The following CEP290 variants were observed in gnomAD, a reference collection of about 807,000 sequenced individuals.
CEP290 encodes the protein centrosomal protein 290.
In CEP290, 317 loss-of-function variants were observed where a neutral mutation model predicts 344.9. The observed-to-expected ratio is 0.92, with a 90% CI of 0.84 to 1.01. CEP290 has a LOEUF of 1.01. CEP290 is among the 50% of genes least tolerant of loss of function. The pLI, the probability that CEP290 is intolerant of heterozygous loss-of-function variation, is 0.00. For synonymous variants in CEP290, 932 were observed against 895.8 expected (o/e 1.04, Z -0.72); for missense variants, 2,754 against 2,761.4 (o/e 1.00, Z 0.06).
intron 26 of CEP290, among the ~76,000 whole-genome samples, chr12:88,097,451 A>G (rs183151843): frequency 1.4e-4 from 21 of 152,176 alleles, no homozygotes; most frequent in Admixed American, 9.8e-4. Context: ...CCCTTCTGCC[A>G]TAACTGTTAA....
At chr12:88,137,688 T>C (rs775513544) in intron 5 of CEP290, among the ~76,000 whole-genome samples, 1 of 152,198 alleles carries the variant, frequency 6.6e-6, no homozygotes, top group East Asian at 1.9e-4. Context: ...CTCCTTGGCT[T>C]AGCTGCAATT....
chr12:88,113,118 T>A (rs547515530), intron 20 of CEP290, among the ~76,000 whole-genome samples: 1 of 152,160 alleles, frequency 6.6e-6, no homozygotes, highest in East Asian at 1.9e-4. Context: ...CAATCCCGGA[T>A]AAAAGTAAAT....
Position 88,126,245 on chromosome 12 carries a change from A to G in CEP290, c.1065+71T>C, listed in dbSNP as rs1206200797. On this transcript the variant is annotated intron_variant, in intron 12 of 53. Coordinates refer to ENST00000552810, the MANE Select transcript of CEP290 (RefSeq NM_025114.4). ...ACACTAGGCACTGATGATATAATAA[A>G]TAAAAGACATCGTTCAGAGTTCCAA... 11 of 1,273,994 alleles carry G rather than the reference A, an allele frequency of 8.6e-6. No homozygotes were observed. In the Admixed American group the frequency reaches 1.2e-4, roughly 14 times the overall value. 78.9% of individuals were successfully genotyped at this position (1,273,994 alleles called of 1,614,324 possible).
At chr12:88,116,928 C>T (rs987568435) in intron 18 of CEP290, 105 bp downstream of exon 18, 4 of 553,336 alleles carry the variant, frequency 7.2e-6, no homozygotes, top group Admixed American at 7.4e-5. Flanking sequence ...GAGCCGAGAT[C>T]GCGCCACTGC....
In CEP290 at chr12:88,091,341, G is replaced by C. The variant is rs117580135; in HGVS notation, c.3462-502C>G. Among the ~76,000 whole-genome samples the C allele has an allele frequency of 2.6e-3, 381 of 149,186 alleles. 1 individual carries two copies. Among genetic ancestry groups the C allele is most frequent in the Non-Finnish European group, 3.7e-3 (247 of 67,520 alleles). Reference sequence around the variant, plus strand: ...GATGGATTAATGCATGTTTTGATTTGTTTTAATCTACAAGTTATCAGTAAT... The same window carrying C: ...GATGGATTAATGCATGTTTTGATTTCTTTTAATCTACAAGTTATCAGTAAT... On this transcript the variant is annotated intron_variant, in intron 29 of 53. Coordinates refer to ENST00000552810, the MANE Select transcript of CEP290 (RefSeq NM_025114.4).
intron 27 of CEP290, among the ~76,000 whole-genome samples, chr12:88,096,574 G>C (rs1182943707): frequency 6.6e-6 from 1 of 151,914 alleles, no homozygotes; most frequent in African/African-American, 2.4e-5. Context: ...CTCAGTGAAA[G>C]AACTCATAAT....
chr12:88,100,885 AACAT>A (rs2137500968), intron 26 of CEP290, among the ~76,000 whole-genome samples: 1 of 152,314 alleles, frequency 6.6e-6, no homozygotes, highest in East Asian at 1.9e-4. Context: ...CGTACAAAAG[AACAT>A]ACATAAGAAA....
chr12:88,114,858 G>T (rs2038943065), intron 19 of CEP290, among the ~76,000 whole-genome samples: 1 of 151,926 alleles, frequency 6.6e-6, no homozygotes, highest in African/African-American at 2.4e-5. Context: ...TTTGATTGAA[G>T]AACACACAAG....
rs2036582730 is a variant in CEP290 at position 88,086,485 on chromosome 12, CT to C, written c.4207del (p.Arg1403AspfsTer16). 1.3e-6 allele frequency: 2 copies of C among 1,592,592 alleles called. No individual in the cohort carries two copies. The highest frequency in any genetic ancestry group is 1.7e-6 in the Non-Finnish European group (2 of 1,167,584). On this transcript the variant is annotated frameshift_variant, in exon 33 of 54. Coordinates refer to ENST00000552810, the MANE Select transcript of CEP290 (RefSeq NM_025114.4). LOFTEE classifies it high-confidence loss of function. ...TTCTCTTTGATCCCAGGCCATTTGTCTTTCTTCATGAAACTAAAAAAAGGAC... is the reference window on the plus strand; with the variant it reads ...TTCTCTTTGATCCCAGGCCATTTGTCTTCTTCATGAAACTAAAAAAAGGAC... ...IVQQNKFHEE[R>X]QMAWDQREVD...
chr12:88,077,181 C>T (rs780959608), intron 41 of CEP290, 41 bp downstream of exon 41: 40 of 1,568,918 alleles, frequency 2.5e-5, no homozygotes, highest in Non-Finnish European at 3.3e-5. Flanking sequence ...CTTACTCTGT[C>T]ACTACCTTAA....
At chr12:88,139,231 A>C (rs1161269447) in intron 4 of CEP290, 40 bp from the exon 5 acceptor site, 8 of 810,278 alleles carry the variant, frequency 9.9e-6, no homozygotes, top group Non-Finnish European at 1.5e-5. Context: ...TTAATTGATT[A>C]GTTACCACAA....
At chr12:88,086,368 C>T in intron 33 of CEP290, 23 bp downstream of exon 33, 2 of 1,549,324 alleles carry the variant, frequency 1.3e-6, no homozygotes, top group South Asian at 1.2e-5. Context: ...TACAGAGTAA[C>T]AAACAAGATT....
At chr12:88,091,149 T>C (rs1039948912) in intron 29 of CEP290, among the ~76,000 whole-genome samples, 25 of 152,304 alleles carry the variant, frequency 1.6e-4, no homozygotes, top group African/African-American at 5.8e-4. Flanking sequence ...ACTTACTATA[T>C]AGTATTTTCC....
At position 88,139,581 on chromosome 12, in the gene CEP290, G is replaced by C; in HGVS notation, c.181-17C>G. 1 of 1,534,828 alleles carries C rather than the reference G, an allele frequency of 6.5e-7. No homozygotes were observed. The highest frequency in any genetic ancestry group is 1.4e-5 in the African/African-American group (1 of 71,612). On this transcript the variant is annotated splice_polypyrimidine_tract_variant and intron_variant, in intron 3 of 53. Transcript: ENST00000552810. ...AGCTTTCATCTAAACATTAAAAAAA[G>C]GTTATTTCAATATGCCTTTATACTG...
At chr12:88,066,311 T>C (rs187327738) in intron 44 of CEP290, among the ~76,000 whole-genome samples, 2 of 152,272 alleles carry the variant, frequency 1.3e-5, no homozygotes, top group East Asian at 1.9e-4. Context: ...TGTTTGTTTG[T>C]TTTTGTTTGA....
intron 51 of CEP290, 96 bp downstream of exon 51, chr12:88,054,244 T>C (rs1383635746): frequency 3.9e-6 from 3 of 777,842 alleles, no homozygotes; most frequent in Non-Finnish European, 6.2e-6. Context: ...AGTCGAAAAA[T>C]GCTTGTCTCT....
At position 88,071,062 on chromosome 12, in the gene CEP290, T is replaced by C. The variant is rs557585449; in HGVS notation, c.6011+232A>G. Among the ~76,000 whole-genome samples, 3 of 152,228 alleles carry C rather than the reference T, an allele frequency of 2.0e-5. No individual in the cohort carries two copies. In the East Asian group the frequency reaches 5.8e-4, roughly 29 times the overall value. The stretch of plus-strand genomic sequence containing the variant: ...CCGATTGCATGCTAAAACAAAAGTA[T>C]CTACATTTTCCCATAGAATTTAAAC... On this transcript the variant is annotated intron_variant, in intron 43 of 53. Transcript: ENST00000552810.
chr12:88,140,942 T>A lies in CEP290; in HGVS notation c.180+14A>T. 1 of 1,552,896 alleles carries A rather than the reference T, an allele frequency of 6.4e-7. No homozygotes were observed. The highest frequency in any genetic ancestry group is 8.7e-7 in the Non-Finnish European group (1 of 1,147,994). On this transcript the variant is annotated intron_variant, in intron 3 of 53. Transcript: ENST00000552810. The stretch of plus-strand genomic sequence containing the variant: ...AATAGCCAAACCTATAGTTAAAACC[T>A]ACTACATACAAACCTTCATTAGTGA...
chr12:88,100,904 A>G (rs1262590757), intron 26 of CEP290, among the ~76,000 whole-genome samples: 4 of 152,194 alleles, frequency 2.6e-5, no homozygotes, highest in Non-Finnish European at 5.9e-5. Flanking sequence ...AAGAAAGAAC[A>G]CTGTGGTCAG....
Sources: gnomAD v4.1 joint callset for allele counts (sites outside exome capture counted in the v4.1 genomes callset) on GRCh38, gnomAD v4.1.1 for gene constraint, MANE v1.5 for transcripts, NCBI Gene and HGNC (gene_info 2026-07-23, HGNC 2026-07-21) for gene names.